ADAMTS6: variants seen among roughly 807,000 people sequenced by gnomAD.
ADAMTS6 encodes A disintegrin and metalloproteinase with thrombospondin motifs 6.
In ADAMTS6, 23 loss-of-function variants were observed where a neutral mutation model predicts 144.3. That is an observed-to-expected ratio of 0.16 (90% CI 0.11 to 0.23). The LOEUF is 0.23. Among genes scored for constraint, ADAMTS6 ranks in the 10% least tolerant of loss-of-function variants. The pLI is 1.00. For missense variants in ADAMTS6, 999 were observed against 1,379.6 expected (o/e 0.72, Z 4.37); for synonymous variants, 444 against 457.5 (o/e 0.97, Z 0.38).
chr5:65,193,313 TAA>T (rs1174584886), intron 21 of ADAMTS6, among the ~76,000 whole-genome samples: 1 of 151,776 alleles, frequency 6.6e-6, no homozygotes, highest in Admixed American at 6.6e-5. Context: ...AGAACACAGA[TAA>T]AAGAGTTCAT....
chr5:65,272,103 G>C lies in ADAMTS6; in HGVS notation c.1620+1237C>G, dbSNP rs114421748. On this transcript the variant is annotated intron_variant, in intron 12 of 24. Coordinates refer to ENST00000381055, the MANE Select transcript of ADAMTS6 (RefSeq NM_197941.4). ...CCGTCAGCAAGGATTAATAAACTGT[G>C]ACAGCTGCCCAAAAGCTTTCATTCT... is the stretch of plus-strand genomic sequence containing the variant. Among the ~76,000 whole-genome samples, 748 of 152,268 alleles carry C rather than the reference G, an allele frequency of 4.9e-3. 6 individuals carry two copies. Among genetic ancestry groups the C allele is most frequent in the African/African-American group, 0.017 (711 of 41,540 alleles).
intron 7 of ADAMTS6, among the ~76,000 whole-genome samples, chr5:65,434,286 T>G (rs1359313808): frequency 6.6e-6 from 1 of 152,116 alleles, no homozygotes; most frequent in Non-Finnish European, 1.5e-5. Context: ...AAGTTTCATT[T>G]TGGGGTGAGG....
At chr5:65,392,195 T>A (rs1233293211) in intron 7 of ADAMTS6, among the ~76,000 whole-genome samples, 2 of 152,208 alleles carry the variant, frequency 1.3e-5, no homozygotes, top group African/African-American at 4.8e-5. Context: ...ATTCATTGTA[T>A]AAACTTTTAT....
rs146994304 is a variant in ADAMTS6 at position 65,443,162 on chromosome 5, T to C, written c.1073+8313A>G. 3.1e-3 allele frequency among the ~76,000 whole-genome samples: 468 copies of C among 152,326 alleles called. 3 individuals carry two copies. Among genetic ancestry groups the C allele is most frequent in the South Asian group, 0.014 (67 of 4,830 alleles). Reference sequence around the variant, plus strand: ...CATACATGTGCATGTATCTTTATAATAGAATGGTTTATATTCCTTTGGGTA... The same window carrying C: ...CATACATGTGCATGTATCTTTATAACAGAATGGTTTATATTCCTTTGGGTA... On this transcript the variant is annotated intron_variant, in intron 7 of 24. Coordinates refer to ENST00000381055, the MANE Select transcript of ADAMTS6 (RefSeq NM_197941.4).
intron 24 of ADAMTS6, among the ~76,000 whole-genome samples, chr5:65,157,055 T>C (rs1038649733): frequency 3.3e-5 from 5 of 152,236 alleles, no homozygotes; most frequent in African/African-American, 1.2e-4. Flanking sequence ...TCAGAGAGAC[T>C]TGGGAAGACA....
chr5:65,472,850 T>C (rs33396), intron 2 of ADAMTS6, among the ~76,000 whole-genome samples: 110,963 of 152,132 alleles, frequency 0.73, 42,050 homozygotes, highest in African/African-American at 0.94. Context: ...GATTTCTAGA[T>C]ACATACATCA....
At chr5:65,350,481 G>C (rs894595089) in intron 7 of ADAMTS6, among the ~76,000 whole-genome samples, 1 of 152,172 alleles carries the variant, frequency 6.6e-6, no homozygotes, top group African/African-American at 2.4e-5. Flanking sequence ...CAGAGAACTA[G>C]AAACAAAGCT....
At chr5:65,441,331 G>A (rs909573339) in intron 7 of ADAMTS6, among the ~76,000 whole-genome samples, 1 of 152,062 alleles carries the variant, frequency 6.6e-6, no homozygotes, top group Non-Finnish European at 1.5e-5. Context: ...CAGACCATAC[G>A]TGAGTTGCCT....
intron 7 of ADAMTS6, among the ~76,000 whole-genome samples, chr5:65,407,287 T>C (rs531380900): frequency 6.6e-6 from 1 of 151,444 alleles, no homozygotes; most frequent in South Asian, 2.1e-4. Context: ...AGCAGATCTC[T>C]CGGCAGAAAC....
intron 7 of ADAMTS6, among the ~76,000 whole-genome samples, chr5:65,406,131 C>T (rs187130793): frequency 2.0e-5 from 3 of 152,046 alleles, no homozygotes; most frequent in Non-Finnish European, 1.5e-5. Flanking sequence ...AATTGAATAC[C>T]CTTTATTTCT....
intron 7 of ADAMTS6, among the ~76,000 whole-genome samples, chr5:65,383,569 A>C (rs755790619): frequency 6.2e-4 from 95 of 152,066 alleles, no homozygotes; most frequent in Middle Eastern, 6.8e-3. Flanking sequence ...CCAAGGCTCC[A>C]GGCAATCCTA....
chr5:65,203,516 C>G (rs1024645375), intron 20 of ADAMTS6, among the ~76,000 whole-genome samples: 1 of 152,190 alleles, frequency 6.6e-6, no homozygotes, highest in East Asian at 1.9e-4. Flanking sequence ...CCTTGAGCTT[C>G]TTCCACACAG....
chr5:65,396,081 C>T (rs1753309381), intron 7 of ADAMTS6, among the ~76,000 whole-genome samples: 1 of 151,894 alleles, frequency 6.6e-6, no homozygotes, highest in Non-Finnish European at 1.5e-5. Context: ...AGGTAATATG[C>T]CAATAAAGTT....
intron 7 of ADAMTS6, among the ~76,000 whole-genome samples, chr5:65,358,520 AAAC>A (rs1245025242): frequency 6.6e-6 from 1 of 152,206 alleles, no homozygotes; most frequent in African/African-American, 2.4e-5. Context: ...GAAATAGAAA[AAAC>A]AATTCCTAAA....
chr5:65,330,335 G>C (rs1026983872), intron 8 of ADAMTS6, among the ~76,000 whole-genome samples: 1 of 152,032 alleles, frequency 6.6e-6, no homozygotes, highest in Non-Finnish European at 1.5e-5. Context: ...AAGAATTTTT[G>C]TGCAAAAGCA....
chr5:65,402,460 C>G (rs912129446), intron 7 of ADAMTS6, among the ~76,000 whole-genome samples: 1 of 152,142 alleles, frequency 6.6e-6, no homozygotes, highest in Non-Finnish European at 1.5e-5. Flanking sequence ...CTTTCTCCTA[C>G]TTTCATCAAT....
intron 21 of ADAMTS6, 132 bp downstream of exon 21, chr5:65,196,890 C>T (rs1393820853): frequency 1.4e-5 from 16 of 1,120,130 alleles, no homozygotes; most frequent in African/African-American, 6.3e-5. Context: ...AAATTCCTCC[C>T]TCTCAGGATG....
intron 10 of ADAMTS6, among the ~76,000 whole-genome samples, chr5:65,298,092 G>A (rs987036263): frequency 1.3e-5 from 2 of 152,026 alleles, no homozygotes; most frequent in Admixed American, 6.6e-5. Context: ...CAAACCAGTG[G>A]GTGATTTTTA....
At chr5:65,353,689 A>G (rs10038927) in intron 7 of ADAMTS6, among the ~76,000 whole-genome samples, 41,625 of 151,720 alleles carry the variant, frequency 0.27, 6,606 homozygotes, top group South Asian at 0.41. Context: ...TTCAACAGAT[A>G]ATTAATGTGA....
Sources: allele counts gnomAD v4.1 joint callset (sites outside exome capture counted in the v4.1 genomes callset), GRCh38; gene constraint gnomAD v4.1.1; transcripts MANE v1.5; gene names NCBI Gene and HGNC (gene_info 2026-07-23, HGNC 2026-07-21).